Variants in ZMAT4 observed in about 807,000 individuals in gnomAD.
ZMAT4 encodes zinc finger matrin-type protein 4.
A neutral mutation model predicts 28.7 loss-of-function variants in ZMAT4; 17 were observed. The observed-to-expected ratio is 0.59, with a 90% CI of 0.41 to 0.89. ZMAT4 has a LOEUF of 0.89. ZMAT4 is among the 40% of genes least tolerant of loss of function. The pLI is 0.00. For synonymous variants in ZMAT4, 117 were observed against 109.2 expected (o/e 1.07, Z -0.44); for missense variants, 240 against 283.8 (o/e 0.85, Z 1.11).
intron 4 of ZMAT4, among the ~76,000 whole-genome samples, chr8:40,686,088 T>C (rs1233547734): frequency 6.6e-6 from 1 of 152,204 alleles, no homozygotes; most frequent in Non-Finnish European, 1.5e-5. Flanking sequence ...TCTGGCACTG[T>C]GCCCTGCCTT....
chr8:40,683,486 A>G (rs898290730), intron 4 of ZMAT4, among the ~76,000 whole-genome samples: 1 of 152,234 alleles, frequency 6.6e-6, no homozygotes, highest in Non-Finnish European at 1.5e-5. Flanking sequence ...GGAAAGCCTC[A>G]TAACATCTGT....
At position 40,708,906 on chromosome 8, in the gene ZMAT4, C is replaced by T. The variant is rs1275867542; in HGVS notation, c.193-11505G>A. 2.6e-5 allele frequency among the ~76,000 whole-genome samples: 4 copies of T among 151,882 alleles called. No individual in the cohort carries two copies. The South Asian group carries it at 8.3e-4, about 32-fold the overall frequency. ...TCAGGTAATCCACCCACCTCGGCCT[C>T]CCAAAGTGCTGGGATTACAGGCATA... On this transcript the variant is annotated intron_variant, in intron 3 of 6. Coordinates refer to ENST00000297737, the MANE Select transcript of ZMAT4 (RefSeq NM_024645.3).
chr8:40,780,115 A>G (rs988340430), intron 2 of ZMAT4, among the ~76,000 whole-genome samples: 1 of 152,034 alleles, frequency 6.6e-6, no homozygotes, highest in Non-Finnish European at 1.5e-5. Flanking sequence ...CTCAGTACAG[A>G]TGCTCCTTGA....
intron 5 of ZMAT4, among the ~76,000 whole-genome samples, chr8:40,600,286 C>T (rs1805255048): frequency 6.6e-6 from 1 of 152,188 alleles, no homozygotes; most frequent in African/African-American, 2.4e-5. Context: ...TTATTCCTCC[C>T]AGGACAAAAG....
chr8:40,586,339 G>A (rs566502664), intron 5 of ZMAT4, among the ~76,000 whole-genome samples: 7 of 152,066 alleles, frequency 4.6e-5, no homozygotes, highest in East Asian at 1.9e-4. Context: ...AATTTCTGCC[G>A]ACCTAAAGGC....
At chr8:40,846,987 A>T (rs867738410) in intron 1 of ZMAT4, among the ~76,000 whole-genome samples, 37 of 152,202 alleles carry the variant, frequency 2.4e-4, no homozygotes, top group South Asian at 8.3e-4. Flanking sequence ...CGGGCAGATC[A>T]TTTGAGGTCA....
At chr8:40,882,923 G>C (rs1818331045) in intron 1 of ZMAT4, among the ~76,000 whole-genome samples, 1 of 152,030 alleles carries the variant, frequency 6.6e-6, no homozygotes, top group Admixed American at 6.5e-5. Flanking sequence ...TCTCTTCCCT[G>C]CTTAATCCTG....
Position 40,723,240 on chromosome 8 carries a change from C to T in ZMAT4, c.193-25839G>A, listed in dbSNP as rs532400512. Among the ~76,000 whole-genome samples, 4 of 152,176 alleles carry T rather than the reference C, an allele frequency of 2.6e-5. No homozygotes were observed. In the South Asian group the frequency reaches 8.3e-4, roughly 32 times the overall value. On this transcript the variant is annotated intron_variant, in intron 3 of 6. Transcript: ENST00000297737. The stretch of plus-strand genomic sequence containing the variant: ...CCAAAATATACCTTCTAATAGAAAT[C>T]ATGCTCTAAAGATTGGGTAGGACTG...
At chr8:40,634,705 T>G (rs536298870) in intron 5 of ZMAT4, among the ~76,000 whole-genome samples, 3 of 152,328 alleles carry the variant, frequency 2.0e-5, no homozygotes, top group African/African-American at 7.2e-5. Flanking sequence ...ATGGTGATCT[T>G]AAGACCAATT....
chr8:40,825,475 A>C, intron 2 of ZMAT4, 100 bp downstream of exon 2: 2 of 981,202 alleles, frequency 2.0e-6, no homozygotes, highest in Non-Finnish European at 3.0e-6. Flanking sequence ...GGTTCTTCAA[A>C]TGTGCCCCAA....
rs146095406 is a variant in ZMAT4 at position 40,551,860 on chromosome 8, A to C, written c.675-19622T>G. ...GTTTGAAAACTTAGATTCAAATCTC[A>C]GTTTTTCTCCTTGCAGTGAGACACA... On this transcript the variant is annotated intron_variant, in intron 6 of 6. Coordinates refer to ENST00000297737, the MANE Select transcript of ZMAT4 (RefSeq NM_024645.3). 5.9e-5 allele frequency among the ~76,000 whole-genome samples: 9 copies of C among 152,294 alleles called. No individual in the cohort carries two copies. The East Asian group carries it at 1.7e-3, about 29-fold the overall frequency.
At chr8:40,772,443 T>A (rs1436475696) in intron 2 of ZMAT4, among the ~76,000 whole-genome samples, 1 of 152,214 alleles carries the variant, frequency 6.6e-6, no homozygotes, top group Non-Finnish European at 1.5e-5. Flanking sequence ...GCTTTTTGCC[T>A]CACCTAAATA....
At chr8:40,644,972 G>C (rs1807235419) in intron 5 of ZMAT4, among the ~76,000 whole-genome samples, 1 of 152,044 alleles carries the variant, frequency 6.6e-6, no homozygotes, top group African/African-American at 2.4e-5. Context: ...CCAACAACAA[G>C]GAAAGCCTAT....
At chr8:40,611,231 A>G (rs1805782601) in intron 5 of ZMAT4, among the ~76,000 whole-genome samples, 1 of 152,324 alleles carries the variant, frequency 6.6e-6, no homozygotes, top group Non-Finnish European at 1.5e-5. Flanking sequence ...ATACAGGCCT[A>G]GCATATCAGC....
chr8:40,814,844 A>G lies in ZMAT4; in HGVS notation c.102+10731T>C, dbSNP rs1292567256. On this transcript the variant is annotated intron_variant, in intron 2 of 6. Transcript: ENST00000297737. ...ATTTGCTGCCTCTGCAAAAAAATGA[A>G]TGAATAAAATGTTAAAATAACAAAT... Among the ~76,000 whole-genome samples, 3 of 152,344 alleles carry G rather than the reference A, an allele frequency of 2.0e-5. 1 individual carries two copies. In the East Asian group the frequency reaches 5.8e-4, roughly 29 times the overall value.
At chr8:40,587,484 T>A (rs1379786322) in intron 5 of ZMAT4, among the ~76,000 whole-genome samples, 5 of 152,144 alleles carry the variant, frequency 3.3e-5, no homozygotes, top group Non-Finnish European at 7.4e-5. Context: ...TCTATGACAA[T>A]AGCAGCACAA....
intron 6 of ZMAT4, among the ~76,000 whole-genome samples, chr8:40,577,363 T>C (rs546998780): frequency 3.5e-4 from 54 of 152,298 alleles, no homozygotes; most frequent in South Asian, 6.2e-4. Flanking sequence ...GAATGAACTC[T>C]TTCTATTCAT....
At chr8:40,646,647 C>T (rs1024367220) in intron 5 of ZMAT4, among the ~76,000 whole-genome samples, 1 of 152,092 alleles carries the variant, frequency 6.6e-6, no homozygotes, top group South Asian at 2.1e-4. Context: ...ATAATACAGT[C>T]AATTCATCAG....
Position 40,636,413 on chromosome 8 carries a change from T to C in ZMAT4, c.577+38291A>G, listed in dbSNP as rs563443399. 1.2e-4 allele frequency among the ~76,000 whole-genome samples: 18 copies of C among 152,372 alleles called. No individual in the cohort carries two copies. The South Asian group carries it at 3.1e-3, about 26-fold the overall frequency. ...AGTTGTGCACATATCCATCATGTTTTTTAGCCAGTGCTCAATTTATTCTGA... is the reference window on the plus strand; with the variant it reads ...AGTTGTGCACATATCCATCATGTTTCTTAGCCAGTGCTCAATTTATTCTGA... On this transcript the variant is annotated intron_variant, in intron 5 of 6. Coordinates refer to ENST00000297737, the MANE Select transcript of ZMAT4 (RefSeq NM_024645.3).
Sources: gnomAD v4.1 joint callset for allele counts (sites outside exome capture counted in the v4.1 genomes callset) on GRCh38, gnomAD v4.1.1 for gene constraint, MANE v1.5 for transcripts, NCBI Gene and HGNC (gene_info 2026-07-23, HGNC 2026-07-21) for gene names.